Variants in RGS12 observed in about 807,000 individuals in gnomAD.
RGS12 encodes the protein regulator of G protein signaling 12.
A neutral mutation model predicts 120.1 loss-of-function variants in RGS12; 66 were observed. The ratio of observed to expected loss-of-function variants is 0.55; its 90% confidence interval spans 0.45 to 0.67. RGS12 has a LOEUF of 0.67. RGS12 is among the 30% of genes least tolerant of loss of function. The pLI is 0.00. For synonymous variants in RGS12, 827 were observed against 804.7 expected (o/e 1.03, Z -0.47); for missense variants, 1,859 against 1,957.7 (o/e 0.95, Z 0.95).
chr4:3,437,433 C>G (rs1435504210), intron 17 of RGS12, among the ~76,000 whole-genome samples: 1 of 152,200 alleles, frequency 6.6e-6, no homozygotes, highest in Non-Finnish European at 1.5e-5. Flanking sequence ...TATGAACACT[C>G]CAGGCAAATG....
intron 2 of RGS12, among the ~76,000 whole-genome samples, chr4:3,338,630 A>ACCGG (rs1249948212): frequency 2.0e-5 from 3 of 151,210 alleles, no homozygotes; most frequent in Non-Finnish European, 4.4e-5. Context: ...GGCCAGGGTG[A>ACCGG]CCGGCCTCTG....
intron 3 of RGS12, among the ~76,000 whole-genome samples, chr4:3,379,202 C>T (rs193277567): frequency 6.6e-6 from 1 of 152,082 alleles, no homozygotes. Flanking sequence ...CTTACCAGTG[C>T]CTGGCGGTAG....
At chr4:3,432,746 C>T (rs1008454842) in intron 17 of RGS12, among the ~76,000 whole-genome samples, 8 of 152,248 alleles carry the variant, frequency 5.3e-5, no homozygotes, top group African/African-American at 9.6e-5. Context: ...ACTGGTTCCC[C>T]GCCCCGCTGG....
chr4:3,331,836 G>A (rs746247892), intron 2 of RGS12, among the ~76,000 whole-genome samples: 12 of 152,248 alleles, frequency 7.9e-5, no homozygotes, highest in Non-Finnish European at 1.8e-4. Flanking sequence ...GCTCCAGGGA[G>A]AGGAGCCTCA....
At chr4:3,394,463 G>A (rs1044892351) in intron 4 of RGS12, among the ~76,000 whole-genome samples, 48 of 152,234 alleles carry the variant, frequency 3.2e-4, no homozygotes, top group African/African-American at 1.1e-3. Context: ...ATGCTCAGCC[G>A]AATATGTGAA....
chr4:3,312,006 C>T (rs1724433519), intron 1 of RGS12, among the ~76,000 whole-genome samples: 1 of 152,188 alleles, frequency 6.6e-6, no homozygotes, highest in Non-Finnish European at 1.5e-5. Context: ...GTTAAATGAT[C>T]TCCAGTCAAG....
upstream of RGS12, among the ~76,000 whole-genome samples, chr4:3,290,561 C>T (rs1480556829): frequency 6.6e-6 from 1 of 152,260 alleles, no homozygotes; most frequent in African/African-American, 2.4e-5. Context: ...GGGACGCCCC[C>T]ACACCCCGAG....
At chr4:3,329,568 C>G (rs543310718) in intron 2 of RGS12, among the ~76,000 whole-genome samples, 1 of 152,130 alleles carries the variant, frequency 6.6e-6, no homozygotes, top group African/African-American at 2.4e-5. Context: ...CACAAACGTC[C>G]CCTCATACAC....
chr4:3,425,541 G>T lies in RGS12; in HGVS notation c.3312G>T (p.Lys1104Asn). The stretch of plus-strand genomic sequence containing the variant: ...GACAGCGGGTTGTCTTGGAGGAGAA[G>T]GATCCTTCCAGAGGAAAGGGTGAGT... ...LDGQRVVLEE[K>N]DPSRGKASAD... is the part of the protein sequence containing the mutation. The change falls in exon 14 of 18, where the codon AAG becomes AAT. Residue 1104 changes from lysine to asparagine, a missense_variant. Around this residue, in one of 3 missense-constraint regions of RGS12, gnomAD observed 517 missense variants for 488.5 expected, o/e 1.06. Transcript: ENST00000336727. The T allele has an allele frequency of 6.2e-7, 1 of 1,610,774 alleles. No homozygotes were observed.
chr4:3,424,199 G>A (rs569228646), intron 13 of RGS12, among the ~76,000 whole-genome samples: 11 of 152,392 alleles, frequency 7.2e-5, no homozygotes, highest in Non-Finnish European at 1.5e-4. Flanking sequence ...GGCGAGAGCT[G>A]GGCCCCGCTG....
intron 4 of RGS12, among the ~76,000 whole-genome samples, chr4:3,405,182 A>C (rs1720977446): frequency 6.6e-6 from 1 of 152,268 alleles, no homozygotes; most frequent in South Asian, 2.1e-4. Flanking sequence ...CTCAGGCTTG[A>C]TGCGAAGCAA....
chr4:3,323,090 C>T lies in RGS12; in HGVS notation c.1881+5039C>T, dbSNP rs540970876. 7.2e-5 allele frequency among the ~76,000 whole-genome samples: 11 copies of T among 152,310 alleles called. No individual in the cohort carries two copies. In the East Asian group the frequency reaches 2.1e-3, roughly 29 times the overall value. ...AGGCAAAATACAGAAGCCTCAAGCC[C>T]GTGAGCAGCGCAGTCTGCTGTCCAG... On this transcript the variant is annotated intron_variant, in intron 2 of 17. Transcript: ENST00000336727.
chr4:3,388,523 A>C (rs1237735201), intron 4 of RGS12, among the ~76,000 whole-genome samples: 1 of 152,142 alleles, frequency 6.6e-6, no homozygotes, highest in Non-Finnish European at 1.5e-5. Flanking sequence ...AGATGGCCAG[A>C]CTCAGGCCTG....
chr4:3,395,158 G>T (rs1323820406), intron 4 of RGS12, among the ~76,000 whole-genome samples: 1 of 151,666 alleles, frequency 6.6e-6, no homozygotes, highest in Non-Finnish European at 1.5e-5. Context: ...GCAGTGAGCA[G>T]AGTTTGCGCC....
chr4:3,428,219 C>T (rs1049382578), intron 15 of RGS12, 50 bp downstream of exon 15: 34 of 1,494,408 alleles, frequency 2.3e-5, no homozygotes, highest in Admixed American at 6.7e-5. Flanking sequence ...TCGCTGTGGC[C>T]CCCGCCTGCC....
intron 10 of RGS12, 139 bp downstream of exon 10, chr4:3,420,857 C>A: frequency 2.6e-6 from 2 of 777,300 alleles, no homozygotes; most frequent in Non-Finnish European, 4.1e-6. Flanking sequence ...GGCTCGGGTG[C>A]CGGCCCAGGC....
chr4:3,423,768 C>G (rs1044705719), intron 13 of RGS12, 127 bp downstream of exon 13: 1 of 1,250,546 alleles, frequency 8.0e-7, no homozygotes, highest in Admixed American at 2.4e-5. Context: ...GGTTGTCCCC[C>G]TTGGAGGAGA....
rs138630993 is a variant in RGS12 at position 3,401,259 on chromosome 4, T to C, written c.2021-12813T>C. Among the ~76,000 whole-genome samples, 3 of 152,352 alleles carry C rather than the reference T, an allele frequency of 2.0e-5. No individual in the cohort carries two copies. The East Asian group carries it at 5.8e-4, about 29-fold the overall frequency. On this transcript the variant is annotated intron_variant, in intron 4 of 17. Coordinates refer to ENST00000336727, the MANE Select transcript of RGS12 (RefSeq NM_001394154.1). ...GGTATAGGACCAGAATTTTAGGTGA[T>C]AAGCCCAATAGGGATTTTAGATTTA...
intron 17 of RGS12, among the ~76,000 whole-genome samples, chr4:3,434,388 A>G (rs937638309): frequency 3.3e-5 from 5 of 151,974 alleles, no homozygotes; most frequent in African/African-American, 1.2e-4. Flanking sequence ...GAGCCAAACC[A>G]TATCAGTGTG....
Sources: gnomAD v4.1 joint callset for allele counts (sites outside exome capture counted in the v4.1 genomes callset) on GRCh38, gnomAD v4.1.1 for gene constraint, gnomAD v4.1.1 regional missense constraint, MANE v1.5 for transcripts, NCBI Gene and HGNC (gene_info 2026-07-23, HGNC 2026-07-21) for gene names.